GRM8: variants seen among roughly 807,000 people sequenced by gnomAD.
The protein encoded by GRM8 is metabotropic glutamate receptor 8.
Under a neutral mutation model 87.2 loss-of-function variants are expected in GRM8, and 47 were observed. That is an observed-to-expected ratio of 0.54 (90% CI 0.43 to 0.69). The LOEUF is 0.69. GRM8 is among the 30% of genes least tolerant of loss of function. The pLI, the probability that GRM8 is intolerant of heterozygous loss-of-function variation, is 0.00. For synonymous variants in GRM8, 396 were observed against 404.5 expected (o/e 0.98, Z 0.25); for missense variants, 1,019 against 1,139.2 (o/e 0.89, Z 1.52).
chr7:127,242,721 C>T lies in GRM8; in HGVS notation c.484G>A (p.Val162Ile). ...GAAASSVSIM[V>I]ANILRLFKIP... ...TTAAAAAGTCTTAAAATGTTAGCAA[C>T]CATGATGGACACGGAGCTTGCTGCA... The change falls in exon 2 of 11, where the codon GTT (valine) becomes ATT (isoleucine). Residue 162 changes from valine (V) to isoleucine (I), a missense_variant. Physicochemically the swap from Val to Ile is conservative, Grantham distance 29. Coordinates refer to ENST00000339582, the MANE Select transcript of GRM8 (RefSeq NM_000845.3). 6.2e-7 allele frequency: 1 copy of T among 1,614,110 alleles called. No individual in the cohort carries two copies. The highest frequency in any genetic ancestry group is 8.5e-7 in the Non-Finnish European group (1 of 1,180,002).
chr7:127,129,750 C>T (rs1827574687), intron 2 of GRM8, among the ~76,000 whole-genome samples: 1 of 152,170 alleles, frequency 6.6e-6, no homozygotes, highest in Admixed American at 6.5e-5. Flanking sequence ...AGATTCTTTA[C>T]TCTTTCTAGT....
chr7:126,912,369 A>G (rs975348895), intron 3 of GRM8, among the ~76,000 whole-genome samples: 1 of 152,192 alleles, frequency 6.6e-6, no homozygotes, highest in African/African-American at 2.4e-5. Flanking sequence ...TGACTGCTTG[A>G]GCTGGGACAT....
rs999437788 is a variant in GRM8, at chr7:127,137,126, T to C, written c.511-30414A>G. Among the ~76,000 whole-genome samples, 14 of 152,208 alleles carry C rather than the reference T, an allele frequency of 9.2e-5. No homozygotes were observed. The East Asian group carries it at 2.3e-3, about 25-fold the overall frequency. On this transcript the variant is annotated intron_variant, in intron 2 of 10. Transcript: ENST00000339582. ...GTGATCTTGGATGACTTAATCTATG[T>C]AAGCCTTGATTATCTCATCTATAAA...
At chr7:126,752,234 A>C (rs1330639757) in intron 7 of GRM8, among the ~76,000 whole-genome samples, 2 of 151,906 alleles carry the variant, frequency 1.3e-5, no homozygotes, top group Non-Finnish European at 2.9e-5. Flanking sequence ...AGTTCAAGGC[A>C]GTAGTGCACT....
At chr7:127,244,461 C>T (rs955554998) in intron 1 of GRM8, among the ~76,000 whole-genome samples, 19 of 141,278 alleles carry the variant, frequency 1.3e-4, no homozygotes, top group Middle Eastern at 4.0e-3. Context: ...TTTTTTCAAA[C>T]GACTTTTGAA....
intron 6 of GRM8, among the ~76,000 whole-genome samples, chr7:126,877,160 C>T (rs182288629): frequency 2.6e-5 from 4 of 152,242 alleles, no homozygotes; most frequent in Admixed American, 6.5e-5. Context: ...TTGTTGGATT[C>T]CTGGCCTTCC....
At chr7:126,439,252 A>G in intron 10 of GRM8, 84 bp from the exon 11 acceptor site, 2 of 828,798 alleles carry the variant, frequency 2.4e-6, no homozygotes, top group South Asian at 2.8e-5. Context: ...CAAGTCCTGT[A>G]ATGACTTTTT....
At chr7:126,804,212 G>C (rs953521233) in intron 6 of GRM8, among the ~76,000 whole-genome samples, 5 of 152,184 alleles carry the variant, frequency 3.3e-5, no homozygotes, top group Non-Finnish European at 7.3e-5. Flanking sequence ...TTTCCCTGCA[G>C]CTGTCTGGCA....
At chr7:126,919,745 T>A (rs1804317190) in intron 3 of GRM8, among the ~76,000 whole-genome samples, 1 of 152,148 alleles carries the variant, frequency 6.6e-6, no homozygotes, top group African/African-American at 2.4e-5. Flanking sequence ...CCTGCTCAAC[T>A]TTCCCTTTCT....
chr7:126,485,227 A>C (rs1807214309), intron 9 of GRM8, among the ~76,000 whole-genome samples: 1 of 152,070 alleles, frequency 6.6e-6, no homozygotes, highest in Non-Finnish European at 1.5e-5. Context: ...TGGACACAGA[A>C]TCAAGAAATG....
Position 127,223,672 on chromosome 7 carries a change from C to G in GRM8, c.510+19023G>C, listed in dbSNP as rs139382763. ...AGGCTGGTGGAGAATCAGGTCTTAC[C>G]CGCCACCACTCAGCAGTAATGAAGC... On this transcript the variant is annotated intron_variant, in intron 2 of 10. Coordinates refer to ENST00000339582, the MANE Select transcript of GRM8 (RefSeq NM_000845.3). Among the ~76,000 whole-genome samples, 351 of 152,134 alleles carry G rather than the reference C, an allele frequency of 2.3e-3. 9 individuals carry two copies. In the East Asian group the frequency reaches 0.059, roughly 26 times the overall value.
chr7:126,958,479 AGCTGGCGCCTGGAGCTGCCTGCC>A (rs1808967493), intron 3 of GRM8, among the ~76,000 whole-genome samples: 1 of 152,162 alleles, frequency 6.6e-6, no homozygotes, highest in African/African-American at 2.4e-5. Context: ...CCTTGCACAG[AGCTGGCGCCTGGAGCTGCCTGCC>A]CCACTGCGGC....
At chr7:126,896,124 C>G (rs1563292215) in intron 6 of GRM8, among the ~76,000 whole-genome samples, 1 of 150,572 alleles carries the variant, frequency 6.6e-6, no homozygotes, top group Non-Finnish European at 1.5e-5. Context: ...GTTCTAGTTT[C>G]TTCACTAGAA....
At chr7:126,658,913 G>C (rs970944697) in intron 7 of GRM8, among the ~76,000 whole-genome samples, 1 of 151,950 alleles carries the variant, frequency 6.6e-6, no homozygotes, top group Non-Finnish European at 1.5e-5. Flanking sequence ...GGAGGATGCC[G>C]TAAAGAGTCA....
intron 7 of GRM8, among the ~76,000 whole-genome samples, chr7:126,633,422 TTGA>T (rs1234161234): frequency 6.6e-6 from 1 of 152,136 alleles, no homozygotes; most frequent in East Asian, 1.9e-4. Flanking sequence ...TGTTCAACAA[TTGA>T]TGAGCGCTAG....
chr7:126,952,454 G>A (rs1018316997), intron 3 of GRM8, among the ~76,000 whole-genome samples: 1 of 152,012 alleles, frequency 6.6e-6, no homozygotes, highest in Admixed American at 6.6e-5. Flanking sequence ...GATGTATGCT[G>A]AAATCATTTG....
intron 3 of GRM8, among the ~76,000 whole-genome samples, chr7:126,980,408 C>G (rs1320225802): frequency 6.6e-6 from 1 of 152,198 alleles, no homozygotes; most frequent in Non-Finnish European, 1.5e-5. Flanking sequence ...TCAAGTGGAT[C>G]CATCCCCACA....
At chr7:127,127,206 A>T (rs1827422665) in intron 2 of GRM8, among the ~76,000 whole-genome samples, 1 of 151,994 alleles carries the variant, frequency 6.6e-6, no homozygotes, top group African/African-American at 2.4e-5. Flanking sequence ...ACACACTCAC[A>T]TATGTACATA....
intron 3 of GRM8, among the ~76,000 whole-genome samples, chr7:127,074,570 G>A (rs545361213): frequency 5.3e-5 from 8 of 152,212 alleles, no homozygotes; most frequent in African/African-American, 1.4e-4. Context: ...AATAACCCAC[G>A]CTATCATTTG....
Sources: allele counts gnomAD v4.1 joint callset (sites outside exome capture counted in the v4.1 genomes callset), GRCh38; gene constraint gnomAD v4.1.1; transcripts MANE v1.5; gene names NCBI Gene and HGNC (gene_info 2026-07-23, HGNC 2026-07-21).